ANO6: variants seen among roughly 807,000 people sequenced by gnomAD.
The protein encoded by ANO6 is anoctamin 6.
A neutral mutation model predicts 117.5 loss-of-function variants in ANO6; 106 were observed. The ratio of observed to expected loss-of-function variants is 0.90; its 90% CI spans 0.77 to 1.06. The LOEUF (loss-of-function observed/expected upper bound fraction) is 1.06. Ranked by LOEUF, ANO6 falls within the 50% of genes least tolerant of loss-of-function variation. ANO6 has a pLI of 0.00. For missense variants in ANO6, 955 were observed against 1,121.1 expected, an observed-to-expected ratio of 0.85 and a Z score of 2.12; for synonymous variants, 367 against 385.1, an observed-to-expected ratio of 0.95 and a Z score of 0.55.
intron 3 of ANO6, among the ~76,000 whole-genome samples, chr12:45,336,783 T>C (rs931147453): frequency 2.6e-5 from 4 of 151,920 alleles, no homozygotes. Context: ...TTCCTACTTA[T>C]AAAAAATAAA....
chr12:45,438,622 C>T (rs546670064), intron 19 of ANO6, among the ~76,000 whole-genome samples: 6 of 152,178 alleles, frequency 3.9e-5, no homozygotes, highest in African/African-American at 1.4e-4. Flanking sequence ...AGACCTGGGC[C>T]CCATCCCCAA....
intron 5 of ANO6, 25 bp downstream of exon 5, chr12:45,348,340 C>T (rs752351805): frequency 3.3e-5 from 53 of 1,613,700 alleles, no homozygotes; most frequent in Non-Finnish European, 4.2e-5. Context: ...AATTTAGTTG[C>T]TGTCTTGGGG....
At chr12:45,331,272 A>G in intron 2 of ANO6, 23 bp from the exon 3 acceptor site, 2 of 1,590,560 alleles carry the variant, frequency 1.3e-6, no homozygotes, top group Admixed American at 1.7e-5. Context: ...ATATATTACA[A>G]TTTGTTTTTC....
intron 2 of ANO6, among the ~76,000 whole-genome samples, chr12:45,316,456 C>T (rs1244786211): frequency 1.3e-5 from 2 of 152,000 alleles, no homozygotes; most frequent in Admixed American, 1.3e-4. Context: ...GAGGGAACTG[C>T]ATGTGCAAAG....
At chr12:45,268,424 G>T (rs1364317024) in intron 1 of ANO6, among the ~76,000 whole-genome samples, 1 of 152,202 alleles carries the variant, frequency 6.6e-6, no homozygotes, top group Admixed American at 6.5e-5. Flanking sequence ...AGAGCCTGAG[G>T]CAGGAGAATT....
At chr12:45,422,218 C>A (rs1343516979) in intron 18 of ANO6, among the ~76,000 whole-genome samples, 1 of 152,090 alleles carries the variant, frequency 6.6e-6, no homozygotes, top group Non-Finnish European at 1.5e-5. Flanking sequence ...TATCTGACAA[C>A]AAAGAATTAG....
chr12:45,387,139 T>C (rs907067919), intron 10 of ANO6, among the ~76,000 whole-genome samples: 1 of 152,154 alleles, frequency 6.6e-6, no homozygotes, highest in Admixed American at 6.5e-5. Context: ...AGAGTGGTGA[T>C]TACAGAATTT....
At chr12:45,423,266 T>C (rs1301972367) in intron 19 of ANO6, among the ~76,000 whole-genome samples, 1 of 152,194 alleles carries the variant, frequency 6.6e-6, no homozygotes, top group Non-Finnish European at 1.5e-5. Context: ...TTTAAAAGCA[T>C]GTTATGCGCA....
intron 2 of ANO6, among the ~76,000 whole-genome samples, chr12:45,308,048 A>ATTTTTTTTTTTTTTTTTTTT (rs1218638312): frequency 1.4e-5 from 1 of 69,296 alleles, no homozygotes; most frequent in African/African-American, 5.5e-5. Context: ...TGTGTGTGTA[A>ATTTTTTTTTTTTTTTTTTTT]TTTTTTTTTT....
rs530448808 is a variant in ANO6, at chr12:45,308,031, C to CTG, written c.150+5952_150+5953dup. Among the ~76,000 whole-genome samples, 930 of 117,742 alleles carry CTG rather than the reference C, an allele frequency of 7.9e-3. 16 individuals are homozygous for CTG. Among genetic ancestry groups the CTG allele is most frequent in the African/African-American group, 0.025 (803 of 32,676 alleles). 77.2% of individuals were successfully genotyped at this position (117,742 alleles called of 152,430 possible). ...TTAGGTAACACTTCCGTGTGTGTGT[C>CTG]TGTGTGTGTGTGTGTAATTTTTTTT... On this transcript the variant is annotated intron_variant, in intron 2 of 19. Transcript: ENST00000320560.
At position 45,334,262 on chromosome 12, in the gene ANO6, C is replaced by CA. The variant is rs565126947; in HGVS notation, c.279+2842dup. ...CAGAATGTTTGAATGTTTTAAATCACAAATAACAGGAAAACCAAACTCAAA... is the reference window on the plus strand; with the variant it reads ...CAGAATGTTTGAATGTTTTAAATCACAAAATAACAGGAAAACCAAACTCAAA... On this transcript the variant is annotated intron_variant, in intron 3 of 19. Transcript: ENST00000320560. Among the ~76,000 whole-genome samples the CA allele has an allele frequency of 2.7e-4, 41 of 152,160 alleles. No homozygotes were observed. In the South Asian group the frequency reaches 8.1e-3, roughly 30 times the overall value.
chr12:45,244,335 A>G (rs1049119872), intron 1 of ANO6, among the ~76,000 whole-genome samples: 5 of 140,134 alleles, frequency 3.6e-5, no homozygotes. Flanking sequence ...GAACAGGTAG[A>G]TGCTGGTTGT....
At chr12:45,273,848 G>A (rs1319225297) in intron 1 of ANO6, among the ~76,000 whole-genome samples, 1 of 152,160 alleles carries the variant, frequency 6.6e-6, no homozygotes, top group Non-Finnish European at 1.5e-5. Flanking sequence ...AATGAACTGA[G>A]GGTTACTAAG....
chr12:45,304,355 A>T (rs1430233255), intron 2 of ANO6, among the ~76,000 whole-genome samples: 1 of 152,242 alleles, frequency 6.6e-6, no homozygotes, highest in African/African-American at 2.4e-5. Context: ...GGACAAAATC[A>T]GGTAAGTTGA....
chr12:45,414,902 T>C (rs1336286310), intron 16 of ANO6, among the ~76,000 whole-genome samples: 2 of 152,198 alleles, frequency 1.3e-5, no homozygotes, highest in Non-Finnish European at 2.9e-5. Flanking sequence ...TAGCTGAGAC[T>C]ACAGGCTCGT....
intron 12 of ANO6, among the ~76,000 whole-genome samples, chr12:45,395,609 C>A (rs758461113): frequency 6.6e-6 from 1 of 152,094 alleles, no homozygotes; most frequent in South Asian, 2.1e-4. Context: ...ACTGGCAAAC[C>A]GAATCCAGCA....
intron 12 of ANO6, among the ~76,000 whole-genome samples, chr12:45,395,945 C>T (rs1054468128): frequency 1.3e-5 from 2 of 152,108 alleles, no homozygotes; most frequent in Admixed American, 6.5e-5. Flanking sequence ...ACAAGGATGC[C>T]CTCTCTCTCC....
At chr12:45,354,647 A>T (rs569736570) in intron 7 of ANO6, among the ~76,000 whole-genome samples, 134 of 152,296 alleles carry the variant, frequency 8.8e-4, no homozygotes, top group African/African-American at 2.8e-3. Flanking sequence ...AGAAAGTTAC[A>T]CATTAGGGGA....
At chr12:45,375,306 T>G (rs1941975747) in intron 9 of ANO6, among the ~76,000 whole-genome samples, 1 of 152,148 alleles carries the variant, frequency 6.6e-6, no homozygotes, top group African/African-American at 2.4e-5. Flanking sequence ...TTCAATGCCA[T>G]CCCCATCAAG....
Sources: allele counts gnomAD v4.1 joint callset (sites outside exome capture counted in the v4.1 genomes callset), GRCh38; gene constraint gnomAD v4.1.1; transcripts MANE v1.5; gene names NCBI Gene and HGNC (gene_info 2026-07-23, HGNC 2026-07-21).